Variants in SLC18A1 observed in about 807,000 individuals in gnomAD.
SLC18A1 encodes the protein solute carrier family 18 member A1, also known as chromaffin granule amine transporter.
Under a neutral mutation model 53.7 loss-of-function variants are expected in SLC18A1, and 69 were observed. That is an observed-to-expected ratio of 1.28 (90% CI 1.06 to 1.57). The LOEUF (loss-of-function observed/expected upper bound fraction) is 1.57. Ranked by LOEUF, SLC18A1 falls within the 40% of genes most tolerant of loss-of-function variation. The probability of loss-of-function intolerance (pLI) is 0.00; values close to 1 mark genes in which losing one functional copy is unlikely to be tolerated. For synonymous variants in SLC18A1, 320 were observed against 248.1 expected (o/e 1.29, Z -2.72); for missense variants, 932 against 668.1 (o/e 1.40, Z -4.35).
chr8:20,179,497 GA>G lies in SLC18A1; in HGVS notation c.125-14del. On this transcript the variant is annotated splice_polypyrimidine_tract_variant and intron_variant, in intron 2 of 15. Transcript: ENST00000276373. Reference sequence around the variant, plus strand: ...GGCACAATTGGCACTGAAAGTCAAAGAGGACAGGTGATGGGGGCTAAGGACC... The same window carrying G: ...GGCACAATTGGCACTGAAAGTCAAAGGGACAGGTGATGGGGGCTAAGGACC... The G allele has an allele frequency of 6.3e-7, 1 of 1,598,110 alleles. No homozygotes were observed. The highest frequency in any genetic ancestry group is 8.5e-7 in the Non-Finnish European group (1 of 1,170,926).
intron 11 of SLC18A1, among the ~76,000 whole-genome samples, chr8:20,149,978 C>T (rs2071509242): frequency 6.6e-6 from 1 of 152,170 alleles, no homozygotes; most frequent in Non-Finnish European, 1.5e-5. Context: ...TCTTCCTTCC[C>T]TTACAGGAGG....
At chr8:20,150,520 C>G in intron 11 of SLC18A1, 146 bp downstream of exon 11, 2 of 737,794 alleles carry the variant, frequency 2.7e-6, no homozygotes, top group South Asian at 3.2e-5. Context: ...CACTCACTGC[C>G]CATCCTCCCA....
intron 2 of SLC18A1, 49 bp from the exon 3 acceptor site, chr8:20,179,533 T>C: frequency 6.4e-7 from 1 of 1,558,158 alleles, no homozygotes; most frequent in South Asian, 1.2e-5. Flanking sequence ...CGATGTCATC[T>C]TACCACTGAA....
intron 15 of SLC18A1, among the ~76,000 whole-genome samples, chr8:20,146,779 A>C (rs1585185187): frequency 6.7e-6 from 1 of 149,982 alleles, no homozygotes; most frequent in South Asian, 2.1e-4. Flanking sequence ...AGCCGAGATC[A>C]CACTATTACA....
intron 1 of SLC18A1, among the ~76,000 whole-genome samples, chr8:20,182,589 T>G (rs539858025): frequency 6.6e-6 from 1 of 152,338 alleles, no homozygotes; most frequent in Non-Finnish European, 1.5e-5. Flanking sequence ...GTAAATAATT[T>G]TAAATGATTA....
rs2128880621 is a variant in SLC18A1 at position 20,179,462 on chromosome 8, T to C, written c.147A>G (p.Leu49=). 1 of 1,612,050 alleles carries C rather than the reference T, an allele frequency of 6.2e-7. No homozygotes were observed. The highest frequency in any genetic ancestry group is 8.5e-7 in the Non-Finnish European group (1 of 1,178,968). Residue 49 remains leucine, a synonymous_variant, in exon 3 of 16, where the codon CTA becomes CTG. Transcript: ENST00000276373. Reference sequence around the variant, plus strand: ...TGACTTCTTTGAACTCCATGTCATATAGGAAGGTGGGCACAATTGGCACTG... The same window carrying C: ...TGACTTCTTTGAACTCCATGTCATACAGGAAGGTGGGCACAATTGGCACTG... ...TVVVPIVPTF[L]YDMEFKEVNS...
chr8:20,178,226 T>C (rs760854792), intron 4 of SLC18A1, among the ~76,000 whole-genome samples: 2 of 152,188 alleles, frequency 1.3e-5, no homozygotes, highest in Non-Finnish European at 2.9e-5. Flanking sequence ...TGTTCTTCTA[T>C]AGCAGAATAG....
intron 8 of SLC18A1, among the ~76,000 whole-genome samples, chr8:20,166,140 GACA>G (rs1451195116): frequency 6.6e-6 from 1 of 151,584 alleles, no homozygotes; most frequent in Non-Finnish European, 1.5e-5. Flanking sequence ...AAAGATTAAT[GACA>G]ACATTATAAA....
chr8:20,182,034 C>G (rs985148747), intron 1 of SLC18A1: 1 of 152,198 alleles, frequency 6.6e-6, no homozygotes, highest in Admixed American at 6.5e-5. Flanking sequence ...GTCACAGTAC[C>G]TTGTCAAACT....
chr8:20,179,297 AT>A lies in SLC18A1; in HGVS notation c.311del (p.Asn104MetfsTer45), dbSNP rs751837570. The A allele has an allele frequency of 6.2e-7, 1 of 1,614,198 alleles. No individual in the cohort carries two copies. Among genetic ancestry groups the A allele is most frequent in the Non-Finnish European group, 8.5e-7 (1 of 1,180,036 alleles). On this transcript the variant is annotated frameshift_variant, in exon 3 of 16. Transcript: ENST00000276373. LOFTEE classifies it high-confidence loss of function. ...ESVPSGIAWM[N>X]DTASTIPPPA... ...GAGGTGGGATGGTGCTGGCAGTGTC[AT>A]TCATCCATGCTATTCCACTAGGTAC...
chr8:20,182,087 C>T (rs897112620), intron 1 of SLC18A1: 6 of 152,086 alleles, frequency 3.9e-5, no homozygotes, highest in South Asian at 2.1e-4. Flanking sequence ...TTTTCTTTGA[C>T]GTGGCTTCTG....
At chr8:20,171,384 G>T (rs17222141) in intron 7 of SLC18A1, 21 bp downstream of exon 7, 93,172 of 1,601,318 alleles carry the variant, frequency 0.058, 3,101 homozygotes, top group Middle Eastern at 0.075. Flanking sequence ...TCACCTGCTG[G>T]AGGCTCTGAT....
At position 20,149,677 on chromosome 8, in the gene SLC18A1, C is replaced by A; in HGVS notation, c.1145G>T (p.Cys382Phe). 3 of 1,613,140 alleles carry A rather than the reference C, an allele frequency of 1.9e-6. No homozygotes were observed. Among genetic ancestry groups the A allele is most frequent in the South Asian group, 2.2e-5 (2 of 90,984 alleles). The change falls in exon 12 of 16, where the codon TGT becomes TTT. Residue 382 changes from cysteine to phenylalanine, a missense_variant and splice_region_variant. Transcript: ENST00000276373. ...TCCCCCAGGTCTTCTTATACTTACA[C>A]AGAGCAAGCTGGTACCTACTACCAG... The part of the protein sequence containing the change: ...GMLVVGTSLL[C>F]VPLAHNIFGL...
chr8:20,174,498 C>T, intron 4 of SLC18A1, 54 bp from the exon 5 acceptor site: 1 of 1,216,596 alleles, frequency 8.2e-7, no homozygotes, highest in Non-Finnish European at 1.2e-6. Flanking sequence ...CTTTGCTTCC[C>T]CAGCCGCCAG....
intron 3 of SLC18A1, 114 bp downstream of exon 3, chr8:20,179,007 C>T: frequency 7.7e-7 from 1 of 1,300,796 alleles, no homozygotes; most frequent in Non-Finnish European, 1.1e-6. Flanking sequence ...GCTGACTCCC[C>T]TGAGGAATCA....
intron 12 of SLC18A1, 29 bp from the exon 13 acceptor site, chr8:20,148,099 G>A (rs780530413): frequency 6.2e-7 from 1 of 1,608,862 alleles, no homozygotes; most frequent in South Asian, 1.1e-5. Context: ...AGAGTCATCA[G>A]GACTCCAGAT....
intron 8 of SLC18A1, among the ~76,000 whole-genome samples, chr8:20,170,791 A>C (rs1006682607): frequency 6.6e-6 from 1 of 151,852 alleles, no homozygotes; most frequent in African/African-American, 2.4e-5. Context: ...AGATCTCCAG[A>C]TATACATGAA....
chr8:20,147,529 T>C (rs1300256461), intron 14 of SLC18A1, 74 bp downstream of exon 14: 13 of 1,601,554 alleles, frequency 8.1e-6, no homozygotes, highest in Non-Finnish European at 1.0e-5. Flanking sequence ...CCTAGGAGGA[T>C]AGCTTCCTGG....
intron 10 of SLC18A1, among the ~76,000 whole-genome samples, chr8:20,156,826 A>G (rs1293372481): frequency 6.6e-6 from 1 of 152,206 alleles, no homozygotes; most frequent in Non-Finnish European, 1.5e-5. Context: ...TCCTGACTCA[A>G]AGGGTTACCT....
Sources: allele counts gnomAD v4.1 joint callset (sites outside exome capture counted in the v4.1 genomes callset), GRCh38; gene constraint gnomAD v4.1.1; transcripts MANE v1.5; gene names NCBI Gene and HGNC (gene_info 2026-07-23, HGNC 2026-07-21).